NUP133: variants seen among roughly 807,000 people sequenced by gnomAD.
NUP133 encodes nucleoporin 133.
A neutral mutation model predicts 146.2 loss-of-function variants in NUP133; 66 were observed. The observed-to-expected ratio is 0.45, with a 90% confidence interval of 0.37 to 0.55. NUP133 has a LOEUF of 0.55. NUP133 is among the 20% of genes least tolerant of loss of function. The pLI, the probability that NUP133 is intolerant of heterozygous loss-of-function variation, is 0.00. For missense variants in NUP133, 1,277 were observed against 1,374.8 expected (o/e 0.93, Z 1.12); for synonymous variants, 521 against 498.8 (o/e 1.04, Z -0.59).
intron 21 of NUP133, among the ~76,000 whole-genome samples, chr1:229,457,386 C>T (rs981061442): frequency 1.4e-4 from 21 of 152,192 alleles, no homozygotes; most frequent in African/African-American, 5.1e-4. Context: ...AGCATCATGC[C>T]TCAGTATCTG....
At position 229,495,839 on chromosome 1, in the gene NUP133, T is replaced by C. The variant is rs1006719009; in HGVS notation, c.975+53A>G. The C allele has an allele frequency of 2.8e-6, 4 of 1,404,158 alleles. No homozygotes were observed. In the African/African-American group the frequency reaches 4.4e-5, roughly 15 times the overall value. 87.0% of individuals were successfully genotyped at this position (1,404,158 alleles called of 1,614,324 possible). On this transcript the variant is annotated intron_variant, in intron 7 of 25. Transcript: ENST00000261396. ...AATAAAACAATTAAGGGAACCAGCA[T>C]TATCATACAACCATAAACATGAATT...
At chr1:229,449,399 G>A (rs1266263097) in intron 23 of NUP133, among the ~76,000 whole-genome samples, 2 of 145,318 alleles carry the variant, frequency 1.4e-5, no homozygotes, top group Non-Finnish European at 3.0e-5. Context: ...ACGGAGTCTC[G>A]CTCTGTCGCC....
At chr1:229,447,161 G>A (rs919157314) in intron 24 of NUP133, among the ~76,000 whole-genome samples, 1 of 152,152 alleles carries the variant, frequency 6.6e-6, no homozygotes, top group Admixed American at 6.5e-5. Flanking sequence ...GTATTTCTAT[G>A]CAAACTGACA....
intron 12 of NUP133, among the ~76,000 whole-genome samples, chr1:229,479,014 C>A (rs1443296812): frequency 1.3e-5 from 2 of 152,206 alleles, no homozygotes; most frequent in African/African-American, 2.4e-5. Context: ...CATGGTTTCA[C>A]TTCCCACAGT....
chr1:229,468,230 C>T (rs1172973232), intron 15 of NUP133, among the ~76,000 whole-genome samples: 1 of 152,102 alleles, frequency 6.6e-6, no homozygotes, highest in Admixed American at 6.6e-5. Flanking sequence ...TTCTATATGG[C>T]CCACCAATCA....
intron 14 of NUP133, 73 bp downstream of exon 14, chr1:229,475,565 G>C (rs1211745827): frequency 6.5e-6 from 7 of 1,082,580 alleles, no homozygotes; most frequent in Admixed American, 5.8e-5. Flanking sequence ...TCAAAATAGA[G>C]AGAAGAGACT....
intron 10 of NUP133, 132 bp from the exon 11 acceptor site, chr1:229,486,660 T>TAC (rs999964047): frequency 1.3e-6 from 1 of 746,972 alleles, no homozygotes; most frequent in African/African-American, 1.9e-5. Context: ...ACATTAGTCC[T>TAC]ACTTCGAACT....
At chr1:229,447,540 G>T (rs936967396) in intron 24 of NUP133, among the ~76,000 whole-genome samples, 4 of 151,838 alleles carry the variant, frequency 2.6e-5, no homozygotes, top group Non-Finnish European at 5.9e-5. Flanking sequence ...ATAGGGGCTG[G>T]TCACCAGAAA....
chr1:229,500,170 G>A (rs904881496), intron 4 of NUP133, among the ~76,000 whole-genome samples: 1 of 151,958 alleles, frequency 6.6e-6, no homozygotes, highest in Non-Finnish European at 1.5e-5. Context: ...TCTGTAACTT[G>A]TCTCTTCATT....
chr1:229,457,679 T>A lies in NUP133; in HGVS notation c.2980+482A>T, dbSNP rs370764654. 1.2e-3 allele frequency among the ~76,000 whole-genome samples: 190 copies of A among 152,378 alleles called. 5 individuals are homozygous for A. The South Asian group carries it at 0.037, about 30-fold the overall frequency. ...TTTAATTGTTGTTGAATATTTTTAATTCTTTTTTCCCCAAATATTTTTGAT... is the reference window on the plus strand; with the variant it reads ...TTTAATTGTTGTTGAATATTTTTAAATCTTTTTTCCCCAAATATTTTTGAT... On this transcript the variant is annotated intron_variant, in intron 21 of 25. Coordinates refer to ENST00000261396, the MANE Select transcript of NUP133 (RefSeq NM_018230.3).
chr1:229,478,025 A>C (rs574556763), intron 12 of NUP133, among the ~76,000 whole-genome samples: 16 of 152,316 alleles, frequency 1.1e-4, no homozygotes, highest in Non-Finnish European at 2.1e-4. Context: ...CATACAAAAA[A>C]GATGAATGCT....
intron 25 of NUP133, among the ~76,000 whole-genome samples, chr1:229,444,234 G>A (rs1386805211): frequency 6.6e-6 from 1 of 152,030 alleles, no homozygotes; most frequent in East Asian, 1.9e-4. Flanking sequence ...AGGAGGCTGA[G>A]GCAGGAGAAT....
chr1:229,458,659 C>A (rs1660621419), intron 20 of NUP133, among the ~76,000 whole-genome samples: 1 of 151,358 alleles, frequency 6.6e-6, no homozygotes, highest in Admixed American at 6.6e-5. Flanking sequence ...GTTACAGACA[C>A]ATCATTAAAA....
chr1:229,467,857 C>T (rs35834187), intron 15 of NUP133, among the ~76,000 whole-genome samples: 2 of 149,388 alleles, frequency 1.3e-5, no homozygotes, highest in Non-Finnish European at 3.0e-5. Flanking sequence ...CCAAGGAGGC[C>T]GAGGCTGCGG....
At chr1:229,458,664 T>C (rs1660621477) in intron 20 of NUP133, among the ~76,000 whole-genome samples, 1 of 152,138 alleles carries the variant, frequency 6.6e-6, no homozygotes, top group Non-Finnish European at 1.5e-5. Context: ...AGACACATCA[T>C]TAAAATTTTT....
intron 14 of NUP133, among the ~76,000 whole-genome samples, chr1:229,471,174 G>A (rs921036495): frequency 3.9e-5 from 6 of 152,020 alleles, no homozygotes; most frequent in Non-Finnish European, 8.8e-5. Context: ...GGAGTGCAGT[G>A]GTACAATCAC....
At chr1:229,499,178 G>C (rs774353950) in intron 5 of NUP133, 4 of 470,116 alleles carry the variant, frequency 8.5e-6, no homozygotes, top group South Asian at 4.6e-5. Context: ...GAGACTGCAC[G>C]CATGAGCCAC....
chr1:229,488,684 A>C (rs1661424117), intron 9 of NUP133, among the ~76,000 whole-genome samples: 1 of 152,072 alleles, frequency 6.6e-6, no homozygotes, highest in South Asian at 2.1e-4. Flanking sequence ...GATCAAAAAA[A>C]AAAAAAAAGT....
chr1:229,445,834 G>A (rs932830150), intron 24 of NUP133, among the ~76,000 whole-genome samples: 3 of 152,166 alleles, frequency 2.0e-5, no homozygotes, highest in Admixed American at 6.5e-5. Context: ...TGACCTCTAA[G>A]ACTAAACTTA....
Sources: gnomAD v4.1 joint callset for allele counts (sites outside exome capture counted in the v4.1 genomes callset) on GRCh38, gnomAD v4.1.1 for gene constraint, MANE v1.5 for transcripts, NCBI Gene and HGNC (gene_info 2026-07-23, HGNC 2026-07-21) for gene names.